Variants in GFRAL observed in about 807,000 individuals in gnomAD.
GFRAL encodes the protein GDNF family receptor alpha like, also known as GDNF family receptor alpha-like.
Under a neutral mutation model 45.4 loss-of-function variants are expected in GFRAL, and 36 were observed. The ratio of observed to expected loss-of-function variants is 0.79; its 90% CI spans 0.61 to 1.05. The LOEUF is 1.05. GFRAL is among the 50% of genes least tolerant of loss of function. The pLI is 0.00. For missense variants in GFRAL, 507 were observed against 467.5 expected (o/e 1.08, Z -0.78); for synonymous variants, 166 against 154.1 (o/e 1.08, Z -0.57).
intron 1 of GFRAL, among the ~76,000 whole-genome samples, chr6:55,330,358 G>T (rs1358295268): frequency 1.3e-5 from 2 of 152,052 alleles, no homozygotes; most frequent in African/African-American, 4.8e-5. Context: ...GGGTAAAGCT[G>T]TACAATCCAG....
At position 55,380,547 on chromosome 6, in the gene GFRAL, A is replaced by AG. The variant is rs564012357; in HGVS notation, c.953-18632dup. 1.2e-3 allele frequency among the ~76,000 whole-genome samples: 177 copies of AG among 152,062 alleles called. 2 individuals are homozygous for AG. The highest frequency in any genetic ancestry group is 2.9e-3 in the South Asian group (14 of 4,820). On this transcript the variant is annotated intron_variant, in intron 6 of 8. Transcript: ENST00000340465. ...TCCAGGTGGTTTTGATTTTCAAGCA[A>AG]GTCTGGGAACCACTTCTCTAATCCA...
At chr6:55,392,926 A>T (rs1340713681) in intron 6 of GFRAL, among the ~76,000 whole-genome samples, 2 of 152,142 alleles carry the variant, frequency 1.3e-5, no homozygotes, top group African/African-American at 2.4e-5. Context: ...GAAAAAGAAA[A>T]AAGGAAAGAA....
intron 2 of GFRAL, among the ~76,000 whole-genome samples, chr6:55,332,582 C>A (rs2127349725): frequency 6.6e-6 from 1 of 152,086 alleles, no homozygotes; most frequent in South Asian, 2.1e-4. Flanking sequence ...TGCCACCATG[C>A]CCAGCTAATT....
intron 6 of GFRAL, among the ~76,000 whole-genome samples, chr6:55,390,995 G>A (rs1194884333): frequency 6.6e-6 from 1 of 151,502 alleles, no homozygotes; most frequent in African/African-American, 2.4e-5. Context: ...CAGCAAAATA[G>A]AAGTGAATCT....
In GFRAL at chr6:55,374,003, G is replaced by A. The variant is rs561067686; in HGVS notation, c.952+14865G>A. On this transcript the variant is annotated intron_variant, in intron 6 of 8. Transcript: ENST00000340465. ...TTATAAGTGAGCACATGCAGTGTTC[G>A]GTTTTCTGCTCCTGTGTTAGTTTGC... Among the ~76,000 whole-genome samples, 8 of 152,188 alleles carry A rather than the reference G, an allele frequency of 5.3e-5. No individual in the cohort carries two copies. The South Asian group carries it at 8.3e-4, about 16-fold the overall frequency.
chr6:55,344,344 T>A (rs1273766231), intron 3 of GFRAL, among the ~76,000 whole-genome samples: 1 of 152,138 alleles, frequency 6.6e-6, no homozygotes, highest in East Asian at 1.9e-4. Context: ...TCCACCATGA[T>A]CAAGTGGGCT....
At chr6:55,392,566 T>C (rs1037268719) in intron 6 of GFRAL, among the ~76,000 whole-genome samples, 1 of 152,184 alleles carries the variant, frequency 6.6e-6, no homozygotes, top group African/African-American at 2.4e-5. Context: ...CCAGATTAAC[T>C]GGCAGCAAAA....
chr6:55,371,014 C>T (rs926807009), intron 6 of GFRAL, among the ~76,000 whole-genome samples: 2 of 152,178 alleles, frequency 1.3e-5, no homozygotes, highest in Non-Finnish European at 2.9e-5. Flanking sequence ...ACTTCGCCAT[C>T]CTGCAACTGC....
chr6:55,372,714 T>C (rs56362312), intron 6 of GFRAL, among the ~76,000 whole-genome samples: 29,066 of 152,048 alleles, frequency 0.19, 3,185 homozygotes, highest in African/African-American at 0.3. Flanking sequence ...ACGGCCACAC[T>C]TATCTCCAGG....
At chr6:55,383,380 T>C (rs957765223) in intron 6 of GFRAL, among the ~76,000 whole-genome samples, 2 of 152,048 alleles carry the variant, frequency 1.3e-5, no homozygotes, top group African/African-American at 4.8e-5. Flanking sequence ...TCTGTCAAAG[T>C]CAGACTGCAT....
chr6:55,334,032 G>T, intron 3 of GFRAL, 88 bp downstream of exon 3: 4 of 808,960 alleles, frequency 4.9e-6, no homozygotes, highest in Admixed American at 2.9e-5. Flanking sequence ...TGTGATTAAT[G>T]TTTTTTGTAA....
At chr6:55,357,628 C>G (rs550785690) in intron 5 of GFRAL, among the ~76,000 whole-genome samples, 170 of 151,714 alleles carry the variant, frequency 1.1e-3, no homozygotes, top group Admixed American at 1.9e-3. Flanking sequence ...TTAATCCATT[C>G]AGCCATACTA....
chr6:55,339,797 A>G (rs1356436539), intron 3 of GFRAL, among the ~76,000 whole-genome samples: 1 of 152,204 alleles, frequency 6.6e-6, no homozygotes, highest in African/African-American at 2.4e-5. Context: ...AGATGGTAAG[A>G]CATCTGAACT....
At chr6:55,342,047 A>G (rs960418526) in intron 3 of GFRAL, among the ~76,000 whole-genome samples, 1 of 152,234 alleles carries the variant, frequency 6.6e-6, no homozygotes, top group African/African-American at 2.4e-5. Flanking sequence ...TCTACATCTG[A>G]TTGGTGTACC....
intron 6 of GFRAL, among the ~76,000 whole-genome samples, chr6:55,397,524 C>CAAAAAAAAA (rs70986715): frequency 4.5e-5 from 3 of 67,414 alleles, no homozygotes; most frequent in Admixed American, 2.1e-4. Context: ...GACTCCGTCT[C>CAAAAAAAAA]AAAAAAAAAA....
chr6:55,379,262 A>G (rs921337693), intron 6 of GFRAL, among the ~76,000 whole-genome samples: 9 of 151,916 alleles, frequency 5.9e-5, no homozygotes, highest in African/African-American at 2.2e-4. Flanking sequence ...TTCATCACCC[A>G]GGTATTAAGC....
At chr6:55,350,588 C>A (rs1195900794) in intron 4 of GFRAL, among the ~76,000 whole-genome samples, 1 of 151,934 alleles carries the variant, frequency 6.6e-6, no homozygotes, top group East Asian at 1.9e-4. Context: ...GTGATCCCAG[C>A]TCATTGGGAG....
intron 6 of GFRAL, among the ~76,000 whole-genome samples, chr6:55,395,237 A>G (rs976901369): frequency 6.7e-6 from 1 of 150,258 alleles, no homozygotes; most frequent in Non-Finnish European, 1.5e-5. Flanking sequence ...AAGGGTAGCC[A>G]TAAGTGAGTT....
intron 6 of GFRAL, among the ~76,000 whole-genome samples, chr6:55,392,250 T>C (rs933362030): frequency 1.3e-5 from 2 of 152,190 alleles, no homozygotes; most frequent in Admixed American, 6.5e-5. Context: ...TTTACATTTT[T>C]CCCCTTACTG....
Sources: gnomAD v4.1 joint callset for allele counts (sites outside exome capture counted in the v4.1 genomes callset) on GRCh38, gnomAD v4.1.1 for gene constraint, MANE v1.5 for transcripts, NCBI Gene and HGNC (gene_info 2026-07-23, HGNC 2026-07-21) for gene names.